The following SPOP variants were observed in gnomAD, a reference collection of about 807,000 sequenced individuals.
The protein encoded by SPOP is speckle type BTB/POZ protein, also known as speckle-type POZ protein.
Under a neutral mutation model 45.6 loss-of-function variants are expected in SPOP, and 11 were observed. The observed-to-expected ratio is 0.24, with a 90% CI of 0.15 to 0.40. The LOEUF is 0.40. Among genes scored for constraint, SPOP ranks in the 10% least tolerant of loss-of-function variants. The pLI, the probability that SPOP is intolerant of heterozygous loss-of-function variation, is 1.00. For missense variants in SPOP, 152 were observed against 465.6 expected, an observed-to-expected ratio of 0.33 and a Z score of 6.20; for synonymous variants, 166 against 166.3, an observed-to-expected ratio of 1.00 and a Z score of 0.01.
rs369044305 is a variant in SPOP at position 49,612,906 on chromosome 17, A to C, written c.481-1449T>G. 24 of 152,342 alleles carry C rather than the reference A, an allele frequency of 1.6e-4. No homozygotes were observed. The East Asian group carries it at 4.6e-3, about 29-fold the overall frequency. The allele number at this position is 152,342 out of a possible 1,614,324, so 9.4% of individuals were successfully genotyped here. ...CAAGTCATCCCTTAAACGCAGTCAT[A>C]AGCCCAGAGGCAAAGTTAATGACCT... On this transcript the variant is annotated intron_variant, in intron 5 of 9. Coordinates refer to ENST00000504102, the MANE Select transcript of SPOP (RefSeq NM_001007228.2).
chr17:49,607,919 C>A lies in SPOP; in HGVS notation c.669G>T (p.Pro223=). The A allele has an allele frequency of 6.2e-7, 1 of 1,611,744 alleles. No homozygotes were observed. The highest frequency in any genetic ancestry group is 8.5e-7 in the Non-Finnish European group (1 of 1,178,692). The part of the protein sequence containing the change: ...AHKAILAARS[P]VFSAMFEHEM... ...CATGTTCAAACATGGCACTAAAAAC[C>A]GGAGAACGAGCTACAAAGTCAAAGA... Residue 223 remains proline (P), a synonymous_variant, in exon 7 of 10, where the codon CCG becomes CCT. Transcript: ENST00000504102.
chr17:49,607,150 T>C (rs2071867928), intron 8 of SPOP, 100 bp downstream of exon 8: 4 of 1,519,742 alleles, frequency 2.6e-6, no homozygotes, highest in Non-Finnish European at 3.6e-6. Flanking sequence ...AACCAAGATA[T>C]ATGCTCATTT....
intron 5 of SPOP, among the ~76,000 whole-genome samples, chr17:49,613,218 A>T (rs1163737587): frequency 3.3e-5 from 5 of 151,820 alleles, no homozygotes; most frequent in Admixed American, 2.6e-4. Context: ...TTGACATAAC[A>T]TTAACACTGA....
At chr17:49,674,722 T>TA (rs1460598328) in intron 1 of SPOP, among the ~76,000 whole-genome samples, 1 of 152,220 alleles carries the variant, frequency 6.6e-6, no homozygotes, top group African/African-American at 2.4e-5. Flanking sequence ...ATAAATCATT[T>TA]ACAGGTTTAC....
chr17:49,663,032 T>C (rs771372718), intron 1 of SPOP, among the ~76,000 whole-genome samples: 8 of 152,244 alleles, frequency 5.3e-5, no homozygotes, highest in Non-Finnish European at 1.2e-4. Context: ...TTTGTGCTGA[T>C]AGTACAAGAG....
At chr17:49,642,260 A>G (rs1028603132) in intron 1 of SPOP, among the ~76,000 whole-genome samples, 1 of 152,154 alleles carries the variant, frequency 6.6e-6, no homozygotes, top group Non-Finnish European at 1.5e-5. Context: ...AGAAAGAATC[A>G]TGCAAAAAAA....
At chr17:49,639,839 G>A (rs891844022) in intron 1 of SPOP, among the ~76,000 whole-genome samples, 1 of 152,072 alleles carries the variant, frequency 6.6e-6, no homozygotes, top group Non-Finnish European at 1.5e-5. Context: ...CTTCTTCCAG[G>A]TGCTGGCAAT....
At chr17:49,631,816 A>C (rs906334167) in intron 1 of SPOP, among the ~76,000 whole-genome samples, 1 of 152,158 alleles carries the variant, frequency 6.6e-6, no homozygotes, top group Non-Finnish European at 1.5e-5. Context: ...CCTTCTTGTC[A>C]TTTAGGTCTC....
intron 3 of SPOP, among the ~76,000 whole-genome samples, chr17:49,621,473 G>A (rs1460416744): frequency 1.3e-5 from 2 of 152,100 alleles, no homozygotes; most frequent in Admixed American, 1.3e-4. Context: ...CCCCTTTCTT[G>A]TTTAAAAGCA....
At chr17:49,649,866 T>C (rs1245047923) in intron 1 of SPOP, among the ~76,000 whole-genome samples, 1 of 152,126 alleles carries the variant, frequency 6.6e-6, no homozygotes, top group Non-Finnish European at 1.5e-5. Context: ...CACTAGTTTC[T>C]TACTTTATAG....
chr17:49,652,187 G>A (rs2072852035), intron 1 of SPOP, among the ~76,000 whole-genome samples: 1 of 151,988 alleles, frequency 6.6e-6, no homozygotes, highest in African/African-American at 2.4e-5. Context: ...TTGGATTAGG[G>A]GTGTAAATAT....
chr17:49,604,840 A>G (rs573621800), intron 8 of SPOP, among the ~76,000 whole-genome samples: 9 of 152,328 alleles, frequency 5.9e-5, no homozygotes, highest in Admixed American at 1.3e-4. Context: ...CCGTTTCCCA[A>G]TGTGCGTTTT....
At position 49,658,261 on chromosome 17, in the gene SPOP, G is replaced by A. The variant is rs143115658; in HGVS notation, c.-67+19672C>T. On this transcript the variant is annotated intron_variant, in intron 1 of 9. Coordinates refer to ENST00000504102, the MANE Select transcript of SPOP (RefSeq NM_001007228.2). ...ATGCCCAATAAGATGTTCAGAAAAC[G>A]TTAACTGTAGTTAACTCTGTATGGT... Among the ~76,000 whole-genome samples the A allele has an allele frequency of 8.5e-5, 13 of 152,162 alleles. No homozygotes were observed. In the South Asian group the frequency reaches 1.2e-3, roughly 15 times the overall value.
chr17:49,654,149 A>T, intron 1 of SPOP, among the ~76,000 whole-genome samples: 1 of 152,236 alleles, frequency 6.6e-6, no homozygotes, highest in East Asian at 1.9e-4. Flanking sequence ...GACAAAGGAT[A>T]CCTATTAATG....
intron 1 of SPOP, among the ~76,000 whole-genome samples, chr17:49,645,651 A>C (rs1280705318): frequency 6.6e-6 from 1 of 152,156 alleles, no homozygotes; most frequent in Non-Finnish European, 1.5e-5. Context: ...ATCTTCATAA[A>C]GACCATAAAT....
At chr17:49,652,822 A>G (rs1256243854) in intron 1 of SPOP, among the ~76,000 whole-genome samples, 6 of 152,198 alleles carry the variant, frequency 3.9e-5, no homozygotes, top group Non-Finnish European at 5.9e-5. Flanking sequence ...ATATATTTCT[A>G]AGGGATTGGG....
chr17:49,628,924 C>G (rs1362758739), intron 1 of SPOP, among the ~76,000 whole-genome samples: 1 of 152,158 alleles, frequency 6.6e-6, no homozygotes, highest in African/African-American at 2.4e-5. Context: ...CACAGCCTGC[C>G]TGGAACTCAA....
At chr17:49,610,394 T>C (rs1375265201) in intron 6 of SPOP, among the ~76,000 whole-genome samples, 1 of 152,160 alleles carries the variant, frequency 6.6e-6, no homozygotes, top group Non-Finnish European at 1.5e-5. Context: ...AATTTTTGTA[T>C]TTTTAGTAGA....
At chr17:49,649,231 T>C (rs1454170057) in intron 1 of SPOP, among the ~76,000 whole-genome samples, 4 of 152,196 alleles carry the variant, frequency 2.6e-5, no homozygotes, top group African/African-American at 9.6e-5. Context: ...TTTTGTTCTC[T>C]TTAATTGATA....
Sources: allele counts gnomAD v4.1 joint callset (sites outside exome capture counted in the v4.1 genomes callset), GRCh38; gene constraint gnomAD v4.1.1; transcripts MANE v1.5; gene names NCBI Gene and HGNC (gene_info 2026-07-23, HGNC 2026-07-21).